Variants in GPM6A observed in about 807,000 individuals in gnomAD.
GPM6A encodes glycoprotein M6A.
A neutral mutation model predicts 32.1 loss-of-function variants in GPM6A; 7 were observed. That is an observed-to-expected ratio of 0.22 (90% CI 0.12 to 0.41). The LOEUF (loss-of-function observed/expected upper bound fraction) is 0.41, where lower values mean the gene tolerates loss of function less well. Among genes scored for constraint, GPM6A ranks in the 10% least tolerant of loss-of-function variants. GPM6A has a pLI of 1.00. For synonymous variants in GPM6A, 130 were observed against 123.4 expected (o/e 1.05, Z -0.35); for missense variants, 235 against 347.2 (o/e 0.68, Z 2.57).
At chr4:175,812,014 T>C in intron 1 of GPM6A, 177 bp downstream of exon 1, 1 of 543,460 alleles carries the variant, frequency 1.8e-6, no homozygotes, top group Non-Finnish European at 3.3e-6. Context: ...GATTTGCAAA[T>C]AATGACAACA....
chr4:175,919,994 TG>T (rs1738614175), intron 1 of GPM6A, among the ~76,000 whole-genome samples: 1 of 152,262 alleles, frequency 6.6e-6, no homozygotes, highest in South Asian at 2.1e-4. Context: ...CTTACTCTAG[TG>T]GACTCTTCCT....
At chr4:175,652,789 T>C (rs1307423104) in intron 3 of GPM6A, among the ~76,000 whole-genome samples, 4 of 152,092 alleles carry the variant, frequency 2.6e-5, no homozygotes, top group Non-Finnish European at 5.9e-5. Flanking sequence ...ATGTATGAAT[T>C]AGTGGATGGA....
intron 1 of GPM6A, among the ~76,000 whole-genome samples, chr4:175,736,769 T>C (rs1560904932): frequency 1.3e-5 from 2 of 152,240 alleles, no homozygotes; most frequent in Admixed American, 1.3e-4. Context: ...TTATATTGCA[T>C]TGATGCAGAG....
intron 1 of GPM6A, among the ~76,000 whole-genome samples, chr4:175,949,077 C>CA (rs923402781): frequency 6.7e-6 from 1 of 150,320 alleles, no homozygotes; most frequent in Non-Finnish European, 1.5e-5. Flanking sequence ...ACTAAGAAAT[C>CA]AAAAAAAGCT....
intron 1 of GPM6A, among the ~76,000 whole-genome samples, chr4:175,713,790 T>C (rs1745685703): frequency 6.6e-6 from 1 of 152,216 alleles, no homozygotes; most frequent in Admixed American, 6.5e-5. Flanking sequence ...CATTTTTGTA[T>C]CCTCTAGTAC....
At chr4:175,719,269 G>C (rs1745996737) in intron 1 of GPM6A, among the ~76,000 whole-genome samples, 1 of 151,110 alleles carries the variant, frequency 6.6e-6, no homozygotes, top group African/African-American at 2.4e-5. Flanking sequence ...CGCAATCTCA[G>C]TTCACTGCAA....
intron 1 of GPM6A, among the ~76,000 whole-genome samples, chr4:175,890,647 G>A (rs1213665271): frequency 6.6e-6 from 1 of 151,772 alleles, no homozygotes; most frequent in Non-Finnish European, 1.5e-5. Context: ...GCCCACCGCA[G>A]CCTCTAACTG....
At chr4:175,858,297 C>T (rs994012533) in intron 1 of GPM6A, among the ~76,000 whole-genome samples, 4 of 152,026 alleles carry the variant, frequency 2.6e-5, no homozygotes, top group Admixed American at 6.6e-5. Flanking sequence ...TTTGAGAGGC[C>T]GAGGTGAGCA....
intron 1 of GPM6A, among the ~76,000 whole-genome samples, chr4:175,773,361 C>T (rs954077125): frequency 1.2e-4 from 18 of 152,262 alleles, no homozygotes; most frequent in African/African-American, 4.3e-4. Flanking sequence ...TTCCAGAATT[C>T]ACTGTTGCAT....
intron 6 of GPM6A, among the ~76,000 whole-genome samples, chr4:175,637,942 C>T (rs1447089629): frequency 7.4e-6 from 1 of 135,460 alleles, no homozygotes; most frequent in Non-Finnish European, 1.5e-5. Context: ...AAGGTCACTC[C>T]AATTCAGAAA....
At chr4:175,994,653 G>A (rs1421174375) in intron 1 of GPM6A, among the ~76,000 whole-genome samples, 1 of 152,158 alleles carries the variant, frequency 6.6e-6, no homozygotes. Context: ...CCTGTTGACG[G>A]CTGCTGACTG....
intron 1 of GPM6A, among the ~76,000 whole-genome samples, chr4:175,718,860 A>C (rs1560894269): frequency 6.6e-6 from 1 of 152,228 alleles, no homozygotes; most frequent in Non-Finnish European, 1.5e-5. Flanking sequence ...AAAAATAAAA[A>C]TATAACTTTA....
intron 1 of GPM6A, among the ~76,000 whole-genome samples, chr4:175,992,631 C>T (rs1741187130): frequency 6.6e-6 from 1 of 152,078 alleles, no homozygotes; most frequent in Admixed American, 6.5e-5. Flanking sequence ...CTCCTGACTC[C>T]TAGTGTAGTG....
chr4:175,842,006 A>C (rs895064631), intron 1 of GPM6A, among the ~76,000 whole-genome samples: 7 of 152,126 alleles, frequency 4.6e-5, no homozygotes. Flanking sequence ...TAATTTTTTC[A>C]TTTAAAAGAA....
At chr4:175,925,851 T>TTTTC (rs1554001970) in intron 1 of GPM6A, among the ~76,000 whole-genome samples, 2 of 105,214 alleles carry the variant, frequency 1.9e-5, no homozygotes, top group East Asian at 5.1e-4. Context: ...TTTTCTTTTC[T>TTTTC]TTTTTTTTTT....
At chr4:175,936,260 C>G (rs182189855) in intron 1 of GPM6A, among the ~76,000 whole-genome samples, 3,619 of 122,392 alleles carry the variant, frequency 0.03, 150 homozygotes, top group African/African-American at 0.11. Flanking sequence ...GAGCCAAGAT[C>G]GCGCCACTGC....
At chr4:175,929,866 G>C (rs1390117716) in intron 1 of GPM6A, among the ~76,000 whole-genome samples, 2 of 152,108 alleles carry the variant, frequency 1.3e-5, no homozygotes, top group Non-Finnish European at 2.9e-5. Context: ...GGATGATGAA[G>C]ATATCCAACA....
intron 1 of GPM6A, chr4:175,970,807 G>T: frequency 2.3e-6 from 1 of 443,048 alleles, no homozygotes; most frequent in South Asian, 1.6e-5. Context: ...CTTTGTCACC[G>T]CTTCTACTAA....
Position 175,634,846 on chromosome 4 carries a change from G to A in GPM6A, c.*59C>T. The A allele has an allele frequency of 7.0e-7, 1 of 1,427,444 alleles. No homozygotes were observed. Among genetic ancestry groups the A allele is most frequent in the South Asian group, 1.2e-5 (1 of 85,122 alleles). The allele number at this position is 1,427,444 out of a possible 1,614,324, so 88.4% of individuals were successfully genotyped here. ...TTTGTTTTTTAAAGGTTGGATGGTT[G>A]GATGGCCCTTAGTTAAACACCAATG... On this transcript the variant is annotated 3_prime_UTR_variant, in exon 7 of 7. Coordinates refer to ENST00000393658, the MANE Select transcript of GPM6A (RefSeq NM_201591.3).
Sources: gnomAD v4.1 joint callset for allele counts (sites outside exome capture counted in the v4.1 genomes callset) on GRCh38, gnomAD v4.1.1 for gene constraint, MANE v1.5 for transcripts, NCBI Gene and HGNC (gene_info 2026-07-23, HGNC 2026-07-21) for gene names.